The following CCN4 variants were observed in gnomAD, a reference collection of about 807,000 sequenced individuals.
CCN4 encodes cellular communication network factor 4.
A neutral mutation model predicts 36.7 loss-of-function variants in CCN4; 30 were observed. The observed-to-expected ratio is 0.82, with a 90% confidence interval of 0.61 to 1.11. CCN4 has a LOEUF of 1.11. Among genes scored for constraint, CCN4 ranks in the 50% least tolerant of loss-of-function variants. The pLI, the probability that CCN4 is intolerant of heterozygous loss-of-function variation, is 0.00. For synonymous variants in CCN4, 191 were observed against 195.4 expected (o/e 0.98, Z 0.19); for missense variants, 505 against 504.9 (o/e 1.00, Z 0.00).
At position 133,229,197 on chromosome 8, in the gene CCN4, G is replaced by A. The variant is rs1564271072; in HGVS notation, c.*1487G>A. ...GAGAAAACTCAACCAGAGTCACCCA[G>A]TTGGTGACTGGGAAAGTTAGGATTC... is the stretch of plus-strand genomic sequence containing the variant. On this transcript the variant is annotated 3_prime_UTR_variant, in exon 5 of 5. Coordinates refer to ENST00000250160, the MANE Select transcript of CCN4 (RefSeq NM_003882.4). The A allele has an allele frequency of 1.3e-5, 2 of 152,148 alleles. No individual in the cohort carries two copies. The highest frequency in any genetic ancestry group is 6.5e-5 in the Admixed American group (1 of 15,276). 9.4% of individuals were successfully genotyped at this position (152,148 alleles called of 1,614,324 possible).
At chr8:133,208,245 A>G (rs1853855330) in intron 1 of CCN4, among the ~76,000 whole-genome samples, 1 of 152,146 alleles carries the variant, frequency 6.6e-6, no homozygotes, top group East Asian at 1.9e-4. Context: ...ATGGTTTGCA[A>G]TGGATGTACC....
chr8:133,194,251 G>A (rs1304313954), intron 1 of CCN4, among the ~76,000 whole-genome samples: 3 of 149,456 alleles, frequency 2.0e-5, no homozygotes, highest in African/African-American at 7.4e-5. Flanking sequence ...TTGTGAGAGG[G>A]TGTGTGGGGG....
At chr8:133,196,535 G>A (rs1853391036) in intron 1 of CCN4, among the ~76,000 whole-genome samples, 1 of 152,060 alleles carries the variant, frequency 6.6e-6, no homozygotes, top group Non-Finnish European at 1.5e-5. Context: ...TTTACTAGAT[G>A]GTGTCGGCCT....
At chr8:133,207,548 C>T (rs1042126539) in intron 1 of CCN4, among the ~76,000 whole-genome samples, 1 of 152,236 alleles carries the variant, frequency 6.6e-6, no homozygotes, top group African/African-American at 2.4e-5. Flanking sequence ...ACAAGGCAGA[C>T]CTTGGTTCCA....
Position 133,213,084 on chromosome 8 carries a change from G to A in CCN4, c.290G>A (p.Arg97Gln), listed in dbSNP as rs756436585. The A allele has an allele frequency of 5.6e-6, 9 of 1,613,960 alleles. No homozygotes were observed. The highest frequency in any genetic ancestry group is 1.6e-4 in the Middle Eastern group (1 of 6,082). ...CTEAAICDPH[R>Q]GLYCDYSGDR... ...GAGGCTGCCATCTGTGACCCCCACC[G>A]GGGCCTCTACTGTGACTACAGCGGG... The change falls in exon 2 of 5, where the codon CGG (arginine) becomes CAG (glutamine). Residue 97 changes from arginine (R) to glutamine (Q), a missense_variant. Physicochemically the swap from Arg to Gln is conservative, Grantham distance 43. Transcript: ENST00000250160.
At chr8:133,200,460 C>T (rs897320043) in intron 1 of CCN4, among the ~76,000 whole-genome samples, 10 of 152,232 alleles carry the variant, frequency 6.6e-5, no homozygotes, top group African/African-American at 2.4e-4. Flanking sequence ...TCTGTGTTCG[C>T]TGTGGCTCCA....
At chr8:133,214,523 G>A (rs1854246181) in intron 2 of CCN4, among the ~76,000 whole-genome samples, 1 of 151,938 alleles carries the variant, frequency 6.6e-6, no homozygotes, top group South Asian at 2.1e-4. Flanking sequence ...TGTTGTTGTT[G>A]TTGTTGTTAG....
At chr8:133,212,548 C>T (rs1854090457) in intron 1 of CCN4, among the ~76,000 whole-genome samples, 1 of 151,896 alleles carries the variant, frequency 6.6e-6, no homozygotes, top group Non-Finnish European at 1.5e-5. Flanking sequence ...AGTGAGGCCA[C>T]CTCCCTTACC....
chr8:133,196,602 A>G (rs1853393768), intron 1 of CCN4, among the ~76,000 whole-genome samples: 1 of 147,626 alleles, frequency 6.8e-6, no homozygotes, highest in African/African-American at 2.4e-5. Context: ...AGAAATGCCA[A>G]GGGTTCTAAT....
At chr8:133,217,546 C>G (rs997962457) in intron 2 of CCN4, among the ~76,000 whole-genome samples, 7 of 152,146 alleles carry the variant, frequency 4.6e-5, no homozygotes, top group Non-Finnish European at 8.8e-5. Flanking sequence ...CATCTGCAGC[C>G]GTCATGCATC....
At chr8:133,207,820 G>A (rs2977537) in intron 1 of CCN4, among the ~76,000 whole-genome samples, 21,361 of 152,110 alleles carry the variant, frequency 0.14, 1,874 homozygotes, top group East Asian at 0.5. Context: ...ATGGCAGATT[G>A]GTTGGGGAAA....
chr8:133,199,760 T>C (rs1335165855), intron 1 of CCN4, among the ~76,000 whole-genome samples: 1 of 152,170 alleles, frequency 6.6e-6, no homozygotes, highest in Non-Finnish European at 1.5e-5. Flanking sequence ...TTTCTGGCCT[T>C]GTGCTCCAGT....
At position 133,219,374 on chromosome 8, in the gene CCN4, C is replaced by T. The variant is rs374720544; in HGVS notation, c.350-1207C>T. Among the ~76,000 whole-genome samples the T allele has an allele frequency of 2.6e-5, 4 of 152,242 alleles. 1 individual carries two copies. The highest frequency in any genetic ancestry group is 9.6e-5 in the African/African-American group (4 of 41,538). The stretch of plus-strand genomic sequence containing the variant: ...CCCCTCCCTACCTGGAAAGCTCCTC[C>T]CCCAACCCCTGGGCGGGCTTCCTTC... On this transcript the variant is annotated intron_variant, in intron 2 of 4. Transcript: ENST00000250160.
chr8:133,226,791 A>G (rs2130627060), intron 4 of CCN4, among the ~76,000 whole-genome samples: 1 of 152,268 alleles, frequency 6.6e-6, no homozygotes, highest in Non-Finnish European at 1.5e-5. Context: ...TACACAGTAG[A>G]CCCTGAGAAC....
At chr8:133,213,207 C>G (rs972293029) in intron 2 of CCN4, 64 bp downstream of exon 2, 7 of 1,541,478 alleles carry the variant, frequency 4.5e-6, no homozygotes, top group Non-Finnish European at 5.3e-6. Context: ...CCCCAAACCC[C>G]TCTCCCTTGG....
intron 1 of CCN4, among the ~76,000 whole-genome samples, chr8:133,201,742 C>G (rs567672491): frequency 1.3e-5 from 2 of 152,134 alleles, no homozygotes; most frequent in East Asian, 3.9e-4. Context: ...ACTCGGGAGG[C>G]TGAGGGACAA....
chr8:133,224,229 CTTTTTTTTTTTTTT>C (rs59929763), intron 3 of CCN4, among the ~76,000 whole-genome samples: 1 of 88,494 alleles, frequency 1.1e-5, no homozygotes, highest in African/African-American at 4.5e-5. Context: ...CCCGTAAGTC[CTTTTTTTTTTTTTT>C]TTTTTTTTTT....
chr8:133,194,058 T>C (rs980204836), intron 1 of CCN4, among the ~76,000 whole-genome samples: 12 of 150,860 alleles, frequency 8.0e-5, no homozygotes, highest in South Asian at 2.1e-4. Flanking sequence ...AAAATGTGCC[T>C]GAGGAAAACC....
intron 1 of CCN4, among the ~76,000 whole-genome samples, chr8:133,210,432 C>T (rs1238022487): frequency 5.4e-5 from 8 of 149,106 alleles, no homozygotes; most frequent in Admixed American, 1.3e-4. Flanking sequence ...TTTACTGATT[C>T]GGATATGTAG....
Sources: gnomAD v4.1 joint callset for allele counts (sites outside exome capture counted in the v4.1 genomes callset) on GRCh38, gnomAD v4.1.1 for gene constraint, MANE v1.5 for transcripts, NCBI Gene and HGNC (gene_info 2026-07-23, HGNC 2026-07-21) for gene names.